KDM5B: variants seen among roughly 807,000 people sequenced by gnomAD.
KDM5B encodes lysine-specific demethylase 5B.
Under a neutral mutation model 193.4 loss-of-function variants are expected in KDM5B, and 144 were observed. That is an observed-to-expected ratio of 0.74 (90% CI 0.65 to 0.86). The LOEUF (loss-of-function observed/expected upper bound fraction) is 0.86, where lower values mean the gene tolerates loss of function less well. Among genes scored for constraint, KDM5B ranks in the 40% least tolerant of loss-of-function variants. The pLI is 0.00. For missense variants in KDM5B, 1,833 were observed against 1,886.9 expected (o/e 0.97, Z 0.53); for synonymous variants, 668 against 682.6 (o/e 0.98, Z 0.33).
intron 1 of KDM5B, among the ~76,000 whole-genome samples, chr1:202,792,554 G>C (rs550568878): frequency 6.6e-6 from 1 of 152,182 alleles, no homozygotes; most frequent in Non-Finnish European, 1.5e-5. Flanking sequence ...AACAGTATAT[G>C]AATGGGCTAA....
Position 202,746,290 on chromosome 1 carries a change from G to C in KDM5B, c.2050C>G (p.Leu684Val). ...CACTGACGTTCATCATCTGGCAACAGCTCAAAATCCATTCTTTCCGAATCA... is the reference window on the plus strand; with the variant it reads ...CACTGACGTTCATCATCTGGCAACACCTCAAAATCCATTCTTTCCGAATCA... ...VIDSERMDFELLPDDERQCVK... is the reference protein window; with the variant it reads ...VIDSERMDFEVLPDDERQCVK... Residue 684 changes from leucine to valine, a missense_variant, in exon 15 of 27, where the codon CTG becomes GTG. Around this residue, in one of 3 missense-constraint regions of KDM5B, gnomAD observed 1,379 missense variants for 1,349.6 expected, o/e 1.02. Coordinates refer to ENST00000367265, the MANE Select transcript of KDM5B (RefSeq NM_006618.5). 1.2e-6 allele frequency: 2 copies of C among 1,611,324 alleles called. No individual in the cohort carries two copies. Among genetic ancestry groups the C allele is most frequent in the South Asian group, 2.2e-5 (2 of 90,890 alleles).
At chr1:202,792,304 C>T (rs986128729) in intron 1 of KDM5B, among the ~76,000 whole-genome samples, 2 of 149,660 alleles carry the variant, frequency 1.3e-5, no homozygotes, top group Admixed American at 6.7e-5. Context: ...ATGAAATTAC[C>T]TAAACCAGTG....
At chr1:202,750,897 C>T (rs1655763572) in intron 12 of KDM5B, 119 bp from the exon 13 acceptor site, 3 of 952,548 alleles carry the variant, frequency 3.1e-6, no homozygotes, top group Non-Finnish European at 4.7e-6. Context: ...TGAAATTGAG[C>T]CAGAAAAAAC....
intron 23 of KDM5B, among the ~76,000 whole-genome samples, chr1:202,732,977 TA>T (rs1173122953): frequency 6.6e-6 from 1 of 152,146 alleles, no homozygotes; most frequent in Non-Finnish European, 1.5e-5. Flanking sequence ...TATTTTCCCT[TA>T]AAGGGCAAAA....
chr1:202,780,900 T>C (rs750631345), intron 1 of KDM5B, among the ~76,000 whole-genome samples: 3 of 152,238 alleles, frequency 2.0e-5, no homozygotes, highest in South Asian at 2.1e-4. Flanking sequence ...CTAATAACAT[T>C]GTGTTGAATT....
intron 1 of KDM5B, among the ~76,000 whole-genome samples, chr1:202,802,377 G>T (rs764932460): frequency 4.2e-4 from 64 of 151,554 alleles, no homozygotes; most frequent in African/African-American, 1.0e-3. Context: ...CTGTTTTTTT[G>T]TTGTTGTTGT....
Position 202,773,258 on chromosome 1 carries a change from CA to C in KDM5B, c.435del (p.Val146PhefsTer46), listed in dbSNP as rs1394869627. 1 of 1,614,140 alleles carries C rather than the reference CA, an allele frequency of 6.2e-7. No homozygotes were observed. Among genetic ancestry groups the C allele is most frequent in the Non-Finnish European group, 8.5e-7 (1 of 1,180,012 alleles). On this transcript the variant is annotated frameshift_variant, in exon 4 of 27. Transcript: ENST00000367265. LOFTEE classifies it high-confidence loss of function. Reference protein sequence around the residue: ...KLVAEEGGFAVVCKDRKWTKI... With the variant: ...KLVAEEGGFAXVCKDRKWTKI... ...TTGGTCCATTTTCTATCCTTGCAAA[CA>C]ACTGCAAATCCACCTTCTTCTGCAA...
At chr1:202,772,858 A>G (rs1304859093) in intron 4 of KDM5B, among the ~76,000 whole-genome samples, 4 of 144,784 alleles carry the variant, frequency 2.8e-5, no homozygotes, top group Non-Finnish European at 3.1e-5. Flanking sequence ...CACCATGCCC[A>G]GCAAATTTTT....
intron 1 of KDM5B, among the ~76,000 whole-genome samples, chr1:202,798,492 C>T (rs1175545026): frequency 6.6e-6 from 1 of 151,726 alleles, no homozygotes; most frequent in Non-Finnish European, 1.5e-5. Context: ...GTGCGGTTTG[C>T]CTTTTCAAGT....
chr1:202,753,814 C>T (rs926497926), intron 11 of KDM5B, among the ~76,000 whole-genome samples: 2 of 152,060 alleles, frequency 1.3e-5, no homozygotes, highest in East Asian at 1.9e-4. Flanking sequence ...GTATTACAGG[C>T]GTGCACCACC....
chr1:202,786,877 T>C (rs1348142567), intron 1 of KDM5B, among the ~76,000 whole-genome samples: 3 of 152,024 alleles, frequency 2.0e-5, no homozygotes, highest in African/African-American at 7.3e-5. Flanking sequence ...AGAAACCCCG[T>C]CTTTATAAAT....
At position 202,766,236 on chromosome 1, in the gene KDM5B, T is replaced by C. The variant is rs1165290229; in HGVS notation, c.711+690A>G. 2.6e-5 allele frequency among the ~76,000 whole-genome samples: 4 copies of C among 152,064 alleles called. No homozygotes were observed. In the East Asian group the frequency reaches 7.7e-4, roughly 29 times the overall value. ...TATAAAAGGAAGAGGCTGGGTGAGA[T>C]GGCTCACGCCTGTAATCCCAGCACT... On this transcript the variant is annotated intron_variant, in intron 5 of 26. Transcript: ENST00000367265.
chr1:202,753,675 G>GTTTT (rs35243011), intron 11 of KDM5B, among the ~76,000 whole-genome samples: 2 of 87,362 alleles, frequency 2.3e-5, no homozygotes, highest in Non-Finnish European at 4.6e-5. Flanking sequence ...TTTTTTTTTT[G>GTTTT]TTTTTTTTTT....
chr1:202,766,838 G>A (rs1656482753), intron 5 of KDM5B, 88 bp downstream of exon 5: 1 of 1,387,812 alleles, frequency 7.2e-7, no homozygotes, highest in South Asian at 1.5e-5. Flanking sequence ...ACTACAAAGA[G>A]CACACACATG....
chr1:202,735,877 G>A (rs537311285), intron 21 of KDM5B, among the ~76,000 whole-genome samples: 4 of 152,162 alleles, frequency 2.6e-5, no homozygotes, highest in South Asian at 2.1e-4. Flanking sequence ...AAAAAGTGCA[G>A]TTAAAGCACT....
intron 12 of KDM5B, among the ~76,000 whole-genome samples, chr1:202,752,559 C>T (rs1316317442): frequency 1.3e-5 from 2 of 152,202 alleles, no homozygotes; most frequent in African/African-American, 4.8e-5. Context: ...CATTTAGCAA[C>T]CTCTAGACTT....
intron 1 of KDM5B, 126 bp from the exon 2 acceptor site, chr1:202,777,220 A>C (rs1002831161): frequency 5.9e-6 from 4 of 675,530 alleles, no homozygotes; most frequent in African/African-American, 1.8e-5. Context: ...TAGAACACAG[A>C]GTAGTGGTTT....
intron 1 of KDM5B, among the ~76,000 whole-genome samples, chr1:202,782,285 A>T (rs922495929): frequency 1.3e-5 from 2 of 152,166 alleles, no homozygotes; most frequent in African/African-American, 4.8e-5. Context: ...AAAAAAATTA[A>T]ATTTATTTGT....
chr1:202,753,719 A>G (rs1241296827), intron 11 of KDM5B, among the ~76,000 whole-genome samples: 2 of 141,146 alleles, frequency 1.4e-5, no homozygotes, highest in Non-Finnish European at 3.0e-5. Flanking sequence ...GTCCATGCTG[A>G]AGTGCAATGA....
Sources: gnomAD v4.1 joint callset for allele counts (sites outside exome capture counted in the v4.1 genomes callset) on GRCh38, gnomAD v4.1.1 for gene constraint, gnomAD v4.1.1 regional missense constraint, MANE v1.5 for transcripts, NCBI Gene and HGNC (gene_info 2026-07-23, HGNC 2026-07-21) for gene names.